The following TCL1B variants were observed in gnomAD, a reference collection of about 807,000 sequenced individuals.
TCL1B encodes TCL1 family AKT coactivator B.
In TCL1B, 14 loss-of-function variants were observed where a neutral mutation model predicts 16.9. That is an observed-to-expected ratio of 0.83 (90% CI 0.55 to 1.30). The LOEUF (loss-of-function observed/expected upper bound fraction) is 1.30. TCL1B is among the 50% of genes most tolerant of loss of function. TCL1B has a pLI of 0.00. For synonymous variants in TCL1B, 79 were observed against 66.6 expected (o/e 1.19, Z -0.91); for missense variants, 166 against 165.2 (o/e 1.00, Z -0.03).
chr14:95,690,680 C>T, intron 1 of TCL1B, 56 bp from the exon 2 acceptor site: 2 of 1,567,806 alleles, frequency 1.3e-6, no homozygotes, highest in South Asian at 2.3e-5. Context: ...TTGTGTGCAG[C>T]CCAGTTGGCA....
At position 95,689,102 on chromosome 14, in the gene TCL1B, C is replaced by T. The variant is rs536106704; in HGVS notation, c.163-1634C>T. Among the ~76,000 whole-genome samples the T allele has an allele frequency of 5.9e-4, 89 of 151,840 alleles. 2 individuals carry two copies. The highest frequency in any genetic ancestry group is 3.6e-3 in the Admixed American group (55 of 15,236). On this transcript the variant is annotated intron_variant, in intron 1 of 3. Coordinates refer to ENST00000340722, the MANE Select transcript of TCL1B (RefSeq NM_004918.4). ...GAGATCGAGACCATCCTGGCTAACA[C>T]GGTGAAACCCCGTCTCTACTAAAAA...
intron 2 of TCL1B, 41 bp from the exon 3 acceptor site, chr14:95,691,227 G>C (rs745741398): frequency 6.2e-7 from 1 of 1,602,656 alleles, no homozygotes; most frequent in Non-Finnish European, 8.5e-7. Context: ...AACTGGAAGA[G>C]CATCTCCCAG....
chr14:95,688,012 G>A (rs552613854), intron 1 of TCL1B, among the ~76,000 whole-genome samples: 44 of 149,322 alleles, frequency 2.9e-4, no homozygotes, highest in African/African-American at 1.1e-3. Flanking sequence ...CTGTTTGTTT[G>A]TTTTTTGAGA....
intron 1 of TCL1B, chr14:95,689,449 CTT>C (rs1219847175): frequency 6.6e-6 from 1 of 151,634 alleles, no homozygotes; most frequent in Non-Finnish European, 1.5e-5. Context: ...AGATCGATGT[CTT>C]AGGGTGGGAA....
At chr14:95,690,042 T>C (rs1312436010) in intron 1 of TCL1B, among the ~76,000 whole-genome samples, 1 of 152,184 alleles carries the variant, frequency 6.6e-6, no homozygotes, top group Non-Finnish European at 1.5e-5. Flanking sequence ...TTGCTCTGTC[T>C]CCCAGGCTGG....
At chr14:95,687,303 A>T (rs1401785154) in intron 1 of TCL1B, among the ~76,000 whole-genome samples, 1 of 152,192 alleles carries the variant, frequency 6.6e-6, no homozygotes. Context: ...TTTAGATCAC[A>T]GCCAGTCTTT....
intron 1 of TCL1B, among the ~76,000 whole-genome samples, chr14:95,690,437 G>A (rs979610256): frequency 6.6e-6 from 1 of 152,090 alleles, no homozygotes; most frequent in African/African-American, 2.4e-5. Flanking sequence ...AAAAATTACG[G>A]CAATGGCAGA....
At chr14:95,688,636 A>G (rs1280373975) in intron 1 of TCL1B, among the ~76,000 whole-genome samples, 1 of 152,250 alleles carries the variant, frequency 6.6e-6, no homozygotes, top group Non-Finnish European at 1.5e-5. Context: ...CAGCAGTATC[A>G]TTCATACTAG....
rs1365703072 is a variant in TCL1B at position 95,686,497 on chromosome 14, G to A, written c.30G>A (p.Gly10=). 7 of 1,611,354 alleles carry A rather than the reference G, an allele frequency of 4.3e-6. No individual in the cohort carries two copies. Residue 10 remains glycine, a synonymous_variant, in exon 1 of 4, where the codon GGG becomes GGA. Transcript: ENST00000340722. MASEASVRL[G]VPPGRLWIQR... The stretch of plus-strand genomic sequence containing the variant: ...CCTCCGAAGCTTCTGTGCGTCTAGG[G>A]GTGCCCCCTGGCCGTCTGTGGATCC...
Position 95,686,528 on chromosome 14 carries a change from C to G in TCL1B, c.61C>G (p.Pro21Ala). 1 of 1,613,886 alleles carries G rather than the reference C, an allele frequency of 6.2e-7. No individual in the cohort carries two copies. The highest frequency in any genetic ancestry group is 2.2e-5 in the East Asian group (1 of 44,864). ...VPPGRLWIQR[P>A]GIYEDEEGRT... The stretch of plus-strand genomic sequence containing the variant: ...CCCTGGCCGTCTGTGGATCCAGAGG[C>G]CTGGCATCTACGAAGATGAGGAGGG... Residue 21 changes from proline (P) to alanine (A), a missense_variant, in exon 1 of 4, where the codon CCT becomes GCT. Pro to Ala is a conservative substitution (Grantham distance 27, BLOSUM62 -1). Coordinates refer to ENST00000340722, the MANE Select transcript of TCL1B (RefSeq NM_004918.4).
In TCL1B at chr14:95,686,428, A is replaced by C. The variant is rs573074058; in HGVS notation, c.-40A>C. 46 of 1,562,174 alleles carry C rather than the reference A, an allele frequency of 2.9e-5. 1 individual carries two copies. Among genetic ancestry groups the C allele is most frequent in the African/African-American group, 2.1e-4 (15 of 72,982 alleles). ...GGAGATTGCGCAGCTGGAAAGCTAC[A>C]CGTGTGAGCCTAGAGGCGGGTCCCG... On this transcript the variant is annotated 5_prime_UTR_variant, in exon 1 of 4. Transcript: ENST00000340722.
intron 3 of TCL1B, chr14:95,691,605 A>C: frequency 3.2e-6 from 1 of 314,000 alleles, no homozygotes; most frequent in Non-Finnish European, 5.9e-6. Flanking sequence ...GTACGTGTTA[A>C]TGTCCCATTT....
chr14:95,689,495 A>G (rs1345926076), intron 1 of TCL1B: 1 of 152,182 alleles, frequency 6.6e-6, no homozygotes, highest in Non-Finnish European at 1.5e-5. Flanking sequence ...TAATGCAAAG[A>G]TCAGCCACCT....
chr14:95,686,450 C>A lies in TCL1B; in HGVS notation c.-18C>A. 2 of 1,575,808 alleles carry A rather than the reference C, an allele frequency of 1.3e-6. No individual in the cohort carries two copies. Among genetic ancestry groups the A allele is most frequent in the Middle Eastern group, 1.7e-4 (1 of 5,828 alleles). ...TACACGTGTGAGCCTAGAGGCGGGT[C>A]CCGGTTGCAGACTTGCCATGGCCTC... On this transcript the variant is annotated 5_prime_UTR_variant, in exon 1 of 4. Coordinates refer to ENST00000340722, the MANE Select transcript of TCL1B (RefSeq NM_004918.4).
At chr14:95,687,590 A>G (rs575597777) in intron 1 of TCL1B, among the ~76,000 whole-genome samples, 1 of 152,284 alleles carries the variant, frequency 6.6e-6, no homozygotes, top group African/African-American at 2.4e-5. Context: ...TCATGGGTGC[A>G]GTATCCATGG....
intron 3 of TCL1B, 44 bp downstream of exon 3, chr14:95,691,380 AGT>A (rs1337506347): frequency 8.2e-6 from 13 of 1,575,836 alleles, no homozygotes; most frequent in Non-Finnish European, 1.1e-5. Flanking sequence ...ATCAGACGAA[AGT>A]GAGAAGACCT....
At chr14:95,690,263 A>G (rs917997415) in intron 1 of TCL1B, among the ~76,000 whole-genome samples, 11 of 152,164 alleles carry the variant, frequency 7.2e-5, no homozygotes, top group African/African-American at 2.4e-4. Context: ...TGGCCTCCCA[A>G]AGTGTTGGGA....
chr14:95,689,502 AC>A (rs980193523), intron 1 of TCL1B: 2 of 152,100 alleles, frequency 1.3e-5, no homozygotes. Flanking sequence ...AAGATCAGCC[AC>A]CTTTTTCTGT....
At chr14:95,690,317 A>G (rs1801715563) in intron 1 of TCL1B, among the ~76,000 whole-genome samples, 1 of 152,182 alleles carries the variant, frequency 6.6e-6, no homozygotes, top group Admixed American at 6.5e-5. Context: ...TCGTATATTT[A>G]CTATAAGTGT....
Sources: gnomAD v4.1 joint callset for allele counts (sites outside exome capture counted in the v4.1 genomes callset) on GRCh38, gnomAD v4.1.1 for gene constraint, MANE v1.5 for transcripts, NCBI Gene and HGNC (gene_info 2026-07-23, HGNC 2026-07-21) for gene names.